JAKMIP1: variants seen among roughly 807,000 people sequenced by gnomAD.
JAKMIP1 encodes the protein janus kinase and microtubule interacting protein 1.
Under a neutral mutation model 113.0 loss-of-function variants are expected in JAKMIP1, and 33 were observed. That is an observed-to-expected ratio of 0.29 (90% CI 0.22 to 0.39). The LOEUF (loss-of-function observed/expected upper bound fraction) is 0.39, where lower values mean the gene tolerates loss of function less well. Among genes scored for constraint, JAKMIP1 ranks in the 10% least tolerant of loss-of-function variants. The probability of loss-of-function intolerance (pLI) is 1.00; values close to 1 mark genes in which losing one functional copy is unlikely to be tolerated. For synonymous variants in JAKMIP1, 480 were observed against 459.9 expected (o/e 1.04, Z -0.56); for missense variants, 813 against 1,080.5 (o/e 0.75, Z 3.47).
chr4:6,038,169 T>A (rs1343884940), intron 18 of JAKMIP1, among the ~76,000 whole-genome samples: 1 of 104,984 alleles, frequency 9.5e-6, no homozygotes, highest in African/African-American at 3.9e-5. Flanking sequence ...CCTCCATCAC[T>A]GAGTCAGAGG....
At position 6,080,099 on chromosome 4, in the gene JAKMIP1, A is replaced by ACC; in HGVS notation, c.1242+71_1242+72dup. The ACC allele has an allele frequency of 6.7e-7, 1 of 1,494,528 alleles. No individual in the cohort carries two copies. The highest frequency in any genetic ancestry group is 2.5e-5 in the East Asian group (1 of 40,462). The allele number at this position is 1,494,528 out of a possible 1,614,324, so 92.6% of individuals were successfully genotyped here. ...CAGCAGCATCACCCTGAGCCCCAAC[A>ACC]CCCGTTCCTGACACCCATGTCAGCT... On this transcript the variant is annotated intron_variant, in intron 7 of 20. Transcript: ENST00000409021. This position sits in a 1 kb window ranked among gnomAD's most constrained non-coding sequence, Gnocchi z 6.0.
intron 12 of JAKMIP1, 24 bp downstream of exon 12, chr4:6,056,673 C>T (rs758319412): frequency 5.0e-6 from 8 of 1,603,162 alleles, no homozygotes; most frequent in Non-Finnish European, 6.8e-6. Flanking sequence ...CGGCTGTGTG[C>T]TTCCCTGAGG....
intron 1 of JAKMIP1, among the ~76,000 whole-genome samples, chr4:6,120,241 T>C (rs894071161): frequency 6.6e-5 from 10 of 151,838 alleles, no homozygotes; most frequent in African/African-American, 2.4e-4. Flanking sequence ...AAAATCTCTC[T>C]CTGAGTAAGT....
chr4:6,105,442 GC>G, intron 3 of JAKMIP1, 30 bp downstream of exon 3: 1 of 1,549,632 alleles, frequency 6.5e-7, no homozygotes, highest in Non-Finnish European at 8.7e-7. Context: ...AAGGCCGCGT[GC>G]CCGCGGGCGG....
At chr4:6,105,390 G>T (rs769541999) in intron 3 of JAKMIP1, 83 bp downstream of exon 3, 2 of 1,368,464 alleles carry the variant, frequency 1.5e-6, no homozygotes, top group Non-Finnish European at 2.0e-6. Context: ...GAGCACAGCA[G>T]GTCCTCGGAG....
Position 6,184,362 on chromosome 4 carries a change from C to G in JAKMIP1, c.-148+15891G>C, listed in dbSNP as rs1010068553. 3.3e-5 allele frequency among the ~76,000 whole-genome samples: 5 copies of G among 152,200 alleles called. No individual in the cohort carries two copies. The highest frequency in any genetic ancestry group is 1.2e-4 in the African/African-American group (5 of 41,460). ...CATGCCTCGAACACACGCCTCCCTA[C>G]TCCCAGCCCACTGCTGGTTTTCAGA... On this transcript the variant is annotated intron_variant, in intron 1 of 20. Transcript: ENST00000409021. The surrounding 1 kb of genome is among the most constrained non-coding windows in gnomAD (Gnocchi z 4.5).
At chr4:6,117,025 G>C (rs1374180862) in intron 1 of JAKMIP1, among the ~76,000 whole-genome samples, 1 of 152,178 alleles carries the variant, frequency 6.6e-6, no homozygotes, top group Non-Finnish European at 1.5e-5. Flanking sequence ...CTTGCATGAC[G>C]GCAACAGCAG....
In JAKMIP1 at chr4:6,167,172, G is replaced by A. The variant is rs1385712715; in HGVS notation, c.-148+33081C>T. Among the ~76,000 whole-genome samples, 2 of 152,072 alleles carry A rather than the reference G, an allele frequency of 1.3e-5. No homozygotes were observed. The highest frequency in any genetic ancestry group is 2.4e-5 in the African/African-American group (1 of 41,402). ...CTCCTCCTTCCAGGGCCCTGCCTCC[G>A]CAAAGAGCACGATGTTCTGGCCACT... On this transcript the variant is annotated intron_variant, in intron 1 of 20. Coordinates refer to ENST00000409021, the MANE Select transcript of JAKMIP1 (RefSeq NM_001099433.2). This position sits in a 1 kb window ranked among gnomAD's most constrained non-coding sequence, Gnocchi z 5.3.
At chr4:6,177,440 A>C (rs1174206684) in intron 1 of JAKMIP1, among the ~76,000 whole-genome samples, 1 of 151,970 alleles carries the variant, frequency 6.6e-6, no homozygotes, top group Non-Finnish European at 1.5e-5. Context: ...ATCATCACCT[A>C]CTCCAACAAG....
chr4:6,027,222 T>C (rs758998824), intron 20 of JAKMIP1, among the ~76,000 whole-genome samples: 1 of 152,216 alleles, frequency 6.6e-6, no homozygotes, highest in Non-Finnish European at 1.5e-5. Context: ...GAACATCAAC[T>C]GGGGCTTTTG....
At position 6,105,455 on chromosome 4, in the gene JAKMIP1, G is replaced by A; in HGVS notation, c.624+18C>T. The A allele has an allele frequency of 6.4e-7, 1 of 1,570,502 alleles. No individual in the cohort carries two copies. Among genetic ancestry groups the A allele is most frequent in the Non-Finnish European group, 8.6e-7 (1 of 1,160,708 alleles). On this transcript the variant is annotated intron_variant, in intron 3 of 20. Coordinates refer to ENST00000409021, the MANE Select transcript of JAKMIP1 (RefSeq NM_001099433.2). Reference sequence around the variant, plus strand: ...GGAAGGCCGCGTGCCCGCGGGCGGGGGAGGGGGCGGCACGTACCAGCCTGC... The same window carrying A: ...GGAAGGCCGCGTGCCCGCGGGCGGGAGAGGGGGCGGCACGTACCAGCCTGC...
chr4:6,111,739 G>A (rs1301589947), intron 2 of JAKMIP1, among the ~76,000 whole-genome samples: 1 of 152,140 alleles, frequency 6.6e-6, no homozygotes, highest in Non-Finnish European at 1.5e-5. Context: ...ACCCAACCAG[G>A]CACTGTCCTG....
intron 1 of JAKMIP1, among the ~76,000 whole-genome samples, chr4:6,172,152 G>A (rs917046891): frequency 1.3e-5 from 2 of 152,184 alleles, no homozygotes; most frequent in East Asian, 3.9e-4. Context: ...AGGATCCTGT[G>A]ATCAGGCCAG....
intron 18 of JAKMIP1, among the ~76,000 whole-genome samples, chr4:6,037,871 G>T (rs1356542516): frequency 5.6e-5 from 8 of 143,216 alleles, no homozygotes; most frequent in African/African-American, 1.8e-4. Context: ...CATCACTGAG[G>T]CAGAGGTTAA....
intron 1 of JAKMIP1, among the ~76,000 whole-genome samples, chr4:6,160,404 C>T (rs1041204279): frequency 1.3e-5 from 2 of 152,194 alleles, no homozygotes; most frequent in African/African-American, 4.8e-5. Flanking sequence ...CAATAAATTA[C>T]ACAGAATGTT....
In JAKMIP1 at chr4:6,086,037, G is replaced by C. The variant is rs771574046; in HGVS notation, c.625-408C>G. Among the ~76,000 whole-genome samples the C allele has an allele frequency of 6.6e-6, 1 of 151,830 alleles. No individual in the cohort carries two copies. Among genetic ancestry groups the C allele is most frequent in the Non-Finnish European group, 1.5e-5 (1 of 67,968 alleles). ...CCCTCTCAGTCATTGACCCTCTCCTGCCTGGCCACAACTCCCCAACCCTCA... is the reference window on the plus strand; with the variant it reads ...CCCTCTCAGTCATTGACCCTCTCCTCCCTGGCCACAACTCCCCAACCCTCA... On this transcript the variant is annotated intron_variant, in intron 3 of 20. Transcript: ENST00000409021. The surrounding 1 kb of genome is among the most constrained non-coding windows in gnomAD (Gnocchi z 4.1).
chr4:6,042,828 G>T lies in JAKMIP1; in HGVS notation c.2029-601C>A, dbSNP rs368445234. ...GGAGGTGGAATCACACACAGGGTAG[G>T]GGGTGTAGGAGCATGAAAGCAGGGT... is the stretch of plus-strand genomic sequence containing the variant. On this transcript the variant is annotated intron_variant, in intron 16 of 20. Coordinates refer to ENST00000409021, the MANE Select transcript of JAKMIP1 (RefSeq NM_001099433.2). The surrounding 1 kb of genome is among the most constrained non-coding windows in gnomAD (Gnocchi z 5.2). Among the ~76,000 whole-genome samples, 4 of 152,210 alleles carry T rather than the reference G, an allele frequency of 2.6e-5. No individual in the cohort carries two copies. Among genetic ancestry groups the T allele is most frequent in the Admixed American group, 6.5e-5 (1 of 15,298 alleles).
At chr4:6,198,609 G>A (rs770563195) in intron 1 of JAKMIP1, among the ~76,000 whole-genome samples, 2 of 152,208 alleles carry the variant, frequency 1.3e-5, no homozygotes, top group Non-Finnish European at 2.9e-5. Context: ...GAGCAGAGAT[G>A]TTCAGCATTA....
In JAKMIP1 at chr4:6,040,544, G is replaced by A; in HGVS notation, c.2175+95C>T. 3 of 826,332 alleles carry A rather than the reference G, an allele frequency of 3.6e-6. No homozygotes were observed. The highest frequency in any genetic ancestry group is 6.2e-6 in the Non-Finnish European group (3 of 481,894). The allele number at this position is 826,332 out of a possible 1,614,324, so 51.2% of individuals were successfully genotyped here. A position where few individuals can be genotyped will look rare whatever the true frequency, so the allele number is the denominator to read the frequency against. ...TTTTATCACTCCTGTTTGGCACTGG[G>A]GAGCGCCCTAAATGCAGTTTCAGCC... On this transcript the variant is annotated intron_variant, in intron 18 of 20. Transcript: ENST00000409021. The surrounding 1 kb of genome is among the most constrained non-coding windows in gnomAD (Gnocchi z 5.8).
Sources: allele counts gnomAD v4.1 joint callset (sites outside exome capture counted in the v4.1 genomes callset), GRCh38; gene constraint gnomAD v4.1.1; non-coding constraint Gnocchi (gnomAD v3.1); transcripts MANE v1.5; gene names NCBI Gene and HGNC (gene_info 2026-07-23, HGNC 2026-07-21).